The following FBXL4 variants were observed in gnomAD, a reference collection of about 807,000 sequenced individuals.
FBXL4 encodes the protein F-box/LRR-repeat protein 4.
A neutral mutation model predicts 58.9 loss-of-function variants in FBXL4; 40 were observed. The observed-to-expected ratio is 0.68, with a 90% CI of 0.53 to 0.88. FBXL4 has a LOEUF of 0.88. FBXL4 is among the 40% of genes least tolerant of loss of function. FBXL4 has a pLI of 0.00. For missense variants in FBXL4, 676 were observed against 734.4 expected (o/e 0.92, Z 0.92); for synonymous variants, 263 against 265.5 (o/e 0.99, Z 0.09).
chr6:98,884,251 T>G (rs574275800), intron 7 of FBXL4, among the ~76,000 whole-genome samples: 1 of 152,122 alleles, frequency 6.6e-6, no homozygotes, highest in East Asian at 1.9e-4. Flanking sequence ...ATTGCATGCC[T>G]ACTATGTGTT....
At chr6:98,931,901 G>A (rs565890408) in intron 2 of FBXL4, among the ~76,000 whole-genome samples, 3 of 152,308 alleles carry the variant, frequency 2.0e-5, no homozygotes, top group Admixed American at 6.5e-5. Context: ...TTGTCCAGGC[G>A]CTGTCTGGAC....
chr6:98,898,762 C>T, intron 7 of FBXL4: 2 of 985,116 alleles, frequency 2.0e-6, no homozygotes, highest in Non-Finnish European at 2.4e-6. Flanking sequence ...ATAATATATG[C>T]ACTGACCCTG....
intron 1 of FBXL4, among the ~76,000 whole-genome samples, chr6:98,935,529 C>T (rs1344072512): frequency 6.6e-6 from 1 of 151,926 alleles, no homozygotes; most frequent in Non-Finnish European, 1.5e-5. Flanking sequence ...GTGGCTCACG[C>T]CTGTAATCCC....
intron 8 of FBXL4, among the ~76,000 whole-genome samples, chr6:98,878,265 T>C (rs1019390830): frequency 4.6e-5 from 7 of 152,168 alleles, no homozygotes; most frequent in African/African-American, 1.7e-4. Context: ...TAAAATGTAA[T>C]ATGGAAAATG....
chr6:98,884,023 ATT>A (rs895941427), intron 7 of FBXL4, among the ~76,000 whole-genome samples: 1 of 150,980 alleles, frequency 6.6e-6, no homozygotes, highest in African/African-American at 2.4e-5. Context: ...CTGTGTCATA[ATT>A]TTTTTTTATA....
chr6:98,920,443 A>G (rs1316465468), intron 4 of FBXL4, among the ~76,000 whole-genome samples: 1 of 152,156 alleles, frequency 6.6e-6, no homozygotes, highest in Non-Finnish European at 1.5e-5. Flanking sequence ...ATCTGTTTTT[A>G]GAAAGATTTA....
intron 7 of FBXL4, among the ~76,000 whole-genome samples, chr6:98,889,524 T>A (rs1444515723): frequency 6.6e-6 from 1 of 151,726 alleles, no homozygotes; most frequent in Non-Finnish European, 1.5e-5. Context: ...CTACAAAAAA[T>A]ACAAAAATTA....
In FBXL4 at chr6:98,888,543, T is replaced by C. The variant is rs186014307; in HGVS notation, c.1318-7919A>G. On this transcript the variant is annotated intron_variant, in intron 7 of 9. Transcript: ENST00000369244. ...TGAAAAGTGAAAAATTCTATGAACC[T>C]CTTATTTAAGACATAAAGTATCTTT... Among the ~76,000 whole-genome samples the C allele has an allele frequency of 1.5e-4, 23 of 152,326 alleles. No homozygotes were observed. The East Asian group carries it at 4.2e-3, about 28-fold the overall frequency.
At chr6:98,900,784 G>A (rs1046116362) in intron 6 of FBXL4, among the ~76,000 whole-genome samples, 3 of 152,162 alleles carry the variant, frequency 2.0e-5, no homozygotes, top group Non-Finnish European at 2.9e-5. Flanking sequence ...TTATTTACAC[G>A]TGAACACCCG....
At chr6:98,945,658 A>C (rs1773594667) in intron 1 of FBXL4, among the ~76,000 whole-genome samples, 3 of 152,172 alleles carry the variant, frequency 2.0e-5, no homozygotes, top group Admixed American at 6.5e-5. Flanking sequence ...TAAAATACAA[A>C]TGGATATGAG....
At chr6:98,923,249 C>T (rs1772651841) in intron 4 of FBXL4, among the ~76,000 whole-genome samples, 1 of 152,116 alleles carries the variant, frequency 6.6e-6, no homozygotes, top group African/African-American at 2.4e-5. Context: ...GCTTTCCCTA[C>T]TCCTTTACTA....
At chr6:98,897,435 A>T in intron 7 of FBXL4, 2 of 744,760 alleles carry the variant, frequency 2.7e-6, no homozygotes, top group Non-Finnish European at 3.3e-6. Flanking sequence ...CAATGTCTTC[A>T]CCTAGATTAC....
chr6:98,936,841 A>G (rs1187254407), intron 1 of FBXL4, among the ~76,000 whole-genome samples: 2 of 152,202 alleles, frequency 1.3e-5, no homozygotes, highest in Non-Finnish European at 2.9e-5. Context: ...TTGTTTGAGG[A>G]TCAACTGTAT....
At chr6:98,941,572 C>T (rs905687046) in intron 1 of FBXL4, among the ~76,000 whole-genome samples, 7 of 152,146 alleles carry the variant, frequency 4.6e-5, no homozygotes, top group Admixed American at 3.3e-4. Flanking sequence ...CTTGTCTGTT[C>T]TCTTTAAAGA....
chr6:98,926,183 C>T lies in FBXL4; in HGVS notation c.512+294G>A, dbSNP rs112341850. 0.018 allele frequency among the ~76,000 whole-genome samples: 2,797 copies of T among 152,150 alleles called. 78 individuals are homozygous for T. Among genetic ancestry groups the T allele is most frequent in the African/African-American group, 0.064 (2,637 of 41,486 alleles). ...CAAAGTCATATTTCGTACTAACGTCCCAGAATGGCCCATGTCCCTATGAGT... is the reference window on the plus strand; with the variant it reads ...CAAAGTCATATTTCGTACTAACGTCTCAGAATGGCCCATGTCCCTATGAGT... On this transcript the variant is annotated intron_variant, in intron 4 of 9. Coordinates refer to ENST00000369244, the MANE Select transcript of FBXL4 (RefSeq NM_001278716.2).
intron 6 of FBXL4, among the ~76,000 whole-genome samples, chr6:98,899,982 A>G (rs1299190798): frequency 6.6e-6 from 1 of 152,194 alleles, no homozygotes; most frequent in Non-Finnish European, 1.5e-5. Context: ...GAAAATGTCT[A>G]TGTGGGTTTA....
chr6:98,937,238 A>G (rs1258768793), intron 1 of FBXL4, among the ~76,000 whole-genome samples: 1 of 151,876 alleles, frequency 6.6e-6, no homozygotes. Context: ...TGAACCTGGG[A>G]GGCAGAGGTT....
At chr6:98,890,358 G>C (rs1027514774) in intron 7 of FBXL4, among the ~76,000 whole-genome samples, 1 of 152,136 alleles carries the variant, frequency 6.6e-6, no homozygotes, top group Non-Finnish European at 1.5e-5. Flanking sequence ...AACGTGATCA[G>C]AAACAAATGT....
intron 2 of FBXL4, among the ~76,000 whole-genome samples, chr6:98,931,878 G>A (rs1187815848): frequency 6.6e-6 from 1 of 152,228 alleles, no homozygotes; most frequent in Non-Finnish European, 1.5e-5. Context: ...TACGACCAAT[G>A]CAGAAGTCCA....
Sources: gnomAD v4.1 joint callset for allele counts (sites outside exome capture counted in the v4.1 genomes callset) on GRCh38, gnomAD v4.1.1 for gene constraint, MANE v1.5 for transcripts, NCBI Gene and HGNC (gene_info 2026-07-23, HGNC 2026-07-21) for gene names.